ILRUN: variants seen among roughly 807,000 people sequenced by gnomAD.
The protein encoded by ILRUN is protein ILRUN.
Under a neutral mutation model 33.8 loss-of-function variants are expected in ILRUN, and 3 were observed. The observed-to-expected ratio is 0.09, with a 90% CI of 0.04 to 0.23. ILRUN has a LOEUF of 0.23. Ranked by LOEUF, ILRUN falls within the 10% of genes least tolerant of loss-of-function variation. The pLI is 1.00. For synonymous variants in ILRUN, 124 were observed against 138.9 expected (o/e 0.89, Z 0.75); for missense variants, 210 against 375.1 (o/e 0.56, Z 3.64).
chr6:34,643,905 T>G (rs1026251469), intron 3 of ILRUN, among the ~76,000 whole-genome samples: 31 of 152,340 alleles, frequency 2.0e-4, no homozygotes, highest in African/African-American at 7.2e-4. Flanking sequence ...TTCCACTAGG[T>G]TGGCCAGGCT....
intron 1 of ILRUN, among the ~76,000 whole-genome samples, chr6:34,678,938 A>T (rs115311868): frequency 6.6e-6 from 1 of 152,032 alleles, no homozygotes; most frequent in Non-Finnish European, 1.5e-5. Context: ...CAGTAAATTC[A>T]TAAGATAAAT....
At chr6:34,661,809 T>C (rs1762891081) in intron 1 of ILRUN, among the ~76,000 whole-genome samples, 1 of 152,058 alleles carries the variant, frequency 6.6e-6, no homozygotes, top group Non-Finnish European at 1.5e-5. Context: ...AGAGTTTGAA[T>C]GGAAGGTACA....
intron 4 of ILRUN, among the ~76,000 whole-genome samples, chr6:34,605,938 C>T (rs926760238): frequency 2.0e-5 from 3 of 152,174 alleles, no homozygotes; most frequent in African/African-American, 7.2e-5. Flanking sequence ...AAACCAACAA[C>T]CAGGCACCAT....
chr6:34,628,547 T>A (rs1342390648), intron 3 of ILRUN, among the ~76,000 whole-genome samples: 1 of 151,960 alleles, frequency 6.6e-6, no homozygotes, highest in Non-Finnish European at 1.5e-5. Flanking sequence ...TTAGCCAAGA[T>A]GGTCTCCATC....
chr6:34,671,748 G>C (rs1372886500), intron 1 of ILRUN: 1 of 152,190 alleles, frequency 6.6e-6, no homozygotes, highest in African/African-American at 2.4e-5. Context: ...GGGGAAAAAG[G>C]CGTGAATTCA....
rs1761225510 is a variant in ILRUN at position 34,587,909 on chromosome 6, T to TC, written c.*2655dup. 2 of 397,018 alleles carry TC rather than the reference T, an allele frequency of 5.0e-6. No homozygotes were observed. The highest frequency in any genetic ancestry group is 7.1e-5 in the East Asian group (2 of 28,032). 24.6% of individuals were successfully genotyped at this position (397,018 alleles called of 1,614,324 possible). ...CTATCACCTAACCATGGTGTCTGCCTCACCTCCTGGGTGCCAGACGCAGGT... is the reference window on the plus strand; with the variant it reads ...CTATCACCTAACCATGGTGTCTGCCTCCACCTCCTGGGTGCCAGACGCAGGT... On this transcript the variant is annotated 3_prime_UTR_variant, in exon 5 of 5. Coordinates refer to ENST00000374023, the MANE Select transcript of ILRUN (RefSeq NM_024294.4).
chr6:34,609,731 G>A (rs566086819), intron 3 of ILRUN, among the ~76,000 whole-genome samples: 1 of 152,322 alleles, frequency 6.6e-6, no homozygotes, highest in South Asian at 2.1e-4. Flanking sequence ...AGTAAGTGGA[G>A]ATGCAGTGAC....
At chr6:34,624,424 A>G (rs1053027449) in intron 3 of ILRUN, among the ~76,000 whole-genome samples, 8 of 152,084 alleles carry the variant, frequency 5.3e-5, no homozygotes, top group Non-Finnish European at 1.0e-4. Context: ...CCCGGGTTCA[A>G]GCAATTCTCC....
chr6:34,633,934 C>A (rs1762302175), intron 3 of ILRUN, among the ~76,000 whole-genome samples: 2 of 138,454 alleles, frequency 1.4e-5, no homozygotes, highest in South Asian at 2.4e-4. Flanking sequence ...TGAAATCATA[C>A]AAAGGATATT....
intron 1 of ILRUN, among the ~76,000 whole-genome samples, chr6:34,655,580 T>C (rs1050173871): frequency 2.6e-5 from 4 of 152,202 alleles, no homozygotes; most frequent in Non-Finnish European, 5.9e-5. Flanking sequence ...GTAACCACTA[T>C]ACAGATGGAT....
intron 3 of ILRUN, among the ~76,000 whole-genome samples, chr6:34,635,890 G>A (rs1181959956): frequency 1.3e-5 from 2 of 152,086 alleles, no homozygotes; most frequent in African/African-American, 4.8e-5. Flanking sequence ...CCAAAGTGCT[G>A]GGATTACAGG....
chr6:34,644,306 T>TA (rs1762527431), intron 3 of ILRUN, among the ~76,000 whole-genome samples: 1 of 152,230 alleles, frequency 6.6e-6, no homozygotes, highest in African/African-American at 2.4e-5. Flanking sequence ...AAAAATTTAC[T>TA]AAGTAGCTAT....
At chr6:34,656,211 A>G (rs1044573588) in intron 1 of ILRUN, among the ~76,000 whole-genome samples, 17 of 148,090 alleles carry the variant, frequency 1.1e-4, no homozygotes, top group African/African-American at 3.5e-4. Flanking sequence ...ACTCCAGCCC[A>G]GGCAACAGTG....
At chr6:34,622,711 T>C (rs143697520) in intron 3 of ILRUN, among the ~76,000 whole-genome samples, 69 of 152,258 alleles carry the variant, frequency 4.5e-4, no homozygotes, top group African/African-American at 1.6e-3. Flanking sequence ...AAATTGAATA[T>C]AGAATTGACA....
chr6:34,607,569 T>C lies in ILRUN; in HGVS notation c.512-665A>G, dbSNP rs1761661290. Among the ~76,000 whole-genome samples the C allele has an allele frequency of 3.3e-5, 5 of 152,220 alleles. No homozygotes were observed. In the South Asian group the frequency reaches 1.0e-3, roughly 32 times the overall value. On this transcript the variant is annotated intron_variant, in intron 3 of 4. Coordinates refer to ENST00000374023, the MANE Select transcript of ILRUN (RefSeq NM_024294.4). ...GCTTTGCTTTTCTGTCATACAGTCA[T>C]GCATTGCTTAATGAAGAAGATATGT...
chr6:34,692,180 T>C (rs1380997635), intron 1 of ILRUN, among the ~76,000 whole-genome samples: 1 of 152,100 alleles, frequency 6.6e-6, no homozygotes, highest in Non-Finnish European at 1.5e-5. Context: ...CCTATGCTGG[T>C]CTCAAACTCC....
intron 1 of ILRUN, among the ~76,000 whole-genome samples, chr6:34,673,036 C>G (rs1763148439): frequency 6.6e-6 from 1 of 152,182 alleles, no homozygotes; most frequent in Non-Finnish European, 1.5e-5. Flanking sequence ...AACATTACCG[C>G]TGAAAACACA....
chr6:34,631,557 G>A (rs1373028660), intron 3 of ILRUN, among the ~76,000 whole-genome samples: 1 of 152,070 alleles, frequency 6.6e-6, no homozygotes, highest in East Asian at 1.9e-4. Context: ...TCAAACACCT[G>A]ACCTCAAGTG....
In ILRUN at chr6:34,696,262, G is replaced by A. The variant is rs1425132310; in HGVS notation, c.158+184C>T. The A allele has an allele frequency of 4.8e-6, 3 of 618,578 alleles. No individual in the cohort carries two copies. The East Asian group carries it at 8.7e-5, about 18-fold the overall frequency. The allele number at this position is 618,578 out of a possible 1,614,324, so 38.3% of individuals were successfully genotyped here. ...CTCCGTGGTCCCTAACTCTCCTTTA[G>A]CCCTGCTCAGCCCCCAAATACTCCC... On this transcript the variant is annotated intron_variant, in intron 1 of 4. Transcript: ENST00000374023.
Sources: gnomAD v4.1 joint callset for allele counts (sites outside exome capture counted in the v4.1 genomes callset) on GRCh38, gnomAD v4.1.1 for gene constraint, MANE v1.5 for transcripts, NCBI Gene and HGNC (gene_info 2026-07-23, HGNC 2026-07-21) for gene names.